Variants in SRPK2 observed in about 807,000 individuals in gnomAD.
The protein encoded by SRPK2 is SRSF protein kinase 2.
In SRPK2, 21 loss-of-function variants were observed where a neutral mutation model predicts 90.8. The ratio of observed to expected loss-of-function variants is 0.23; its 90% CI spans 0.16 to 0.33. The LOEUF is 0.33. Among genes scored for constraint, SRPK2 ranks in the 10% least tolerant of loss-of-function variants. The pLI is 1.00. For synonymous variants in SRPK2, 288 were observed against 311.1 expected (o/e 0.93, Z 0.78); for missense variants, 620 against 869.0 (o/e 0.71, Z 3.60).
chr7:105,225,958 T>C (rs917020629), intron 2 of SRPK2, among the ~76,000 whole-genome samples: 3 of 152,164 alleles, frequency 2.0e-5, no homozygotes, highest in Non-Finnish European at 4.4e-5. Flanking sequence ...CATGCGGGGG[T>C]TAGCAGACTG....
At chr7:105,150,033 C>A (rs139557806) in intron 7 of SRPK2, among the ~76,000 whole-genome samples, 1 of 151,122 alleles carries the variant, frequency 6.6e-6, no homozygotes. Context: ...ATGAGTATGA[C>A]GGGTGGGGTA....
At chr7:105,328,636 G>A (rs148192007) in intron 2 of SRPK2, among the ~76,000 whole-genome samples, 3,605 of 151,036 alleles carry the variant, frequency 0.024, 63 homozygotes, top group Non-Finnish European at 0.032. Flanking sequence ...AGGCCGAGAC[G>A]GGTGGATCAC....
chr7:105,369,826 G>C lies in SRPK2; in HGVS notation c.71+18822C>G, dbSNP rs530606746. Among the ~76,000 whole-genome samples the C allele has an allele frequency of 2.0e-5, 3 of 152,180 alleles. No homozygotes were observed. In the East Asian group the frequency reaches 5.8e-4, roughly 29 times the overall value. ...GCGGATCGCCTGAGGTCAGGAGTTCGAGACCAGCCTGACCAACACGGAGAA... is the reference window on the plus strand; with the variant it reads ...GCGGATCGCCTGAGGTCAGGAGTTCCAGACCAGCCTGACCAACACGGAGAA... On this transcript the variant is annotated intron_variant, in intron 2 of 15. Coordinates refer to ENST00000393651, the MANE Select transcript of SRPK2 (RefSeq NM_182692.3).
rs941053535 is a variant in SRPK2 at position 105,388,899 on chromosome 7, G to A, written c.-93C>T. On this transcript the variant is annotated 5_prime_UTR_variant, in exon 1 of 16. Transcript: ENST00000393651. ...GCAGCCTCCACTCGCTCCGCCGGCC[G>A]GGAGGAGACGAGAACCGCGCCTGCG... 2 of 1,235,784 alleles carry A rather than the reference G, an allele frequency of 1.6e-6. No individual in the cohort carries two copies. Among genetic ancestry groups the A allele is most frequent in the Non-Finnish European group, 2.0e-6 (2 of 992,458 alleles). The allele number at this position is 1,235,784 out of a possible 1,614,324, so 76.6% of individuals were successfully genotyped here.
intron 2 of SRPK2, among the ~76,000 whole-genome samples, chr7:105,238,324 T>C (rs886280600): frequency 6.6e-6 from 1 of 151,948 alleles, no homozygotes; most frequent in African/African-American, 2.4e-5. Flanking sequence ...TGGACAGGAG[T>C]CAGCATAAAG....
intron 2 of SRPK2, among the ~76,000 whole-genome samples, chr7:105,345,587 T>G (rs371355117): frequency 4.6e-5 from 7 of 152,340 alleles, no homozygotes; most frequent in Admixed American, 2.0e-4. Context: ...GGGAATAACA[T>G]GAAAGACAAC....
At chr7:105,166,729 A>G (rs566748912) in intron 6 of SRPK2, among the ~76,000 whole-genome samples, 1 of 152,212 alleles carries the variant, frequency 6.6e-6, no homozygotes, top group Non-Finnish European at 1.5e-5. Context: ...AAAATGCATC[A>G]TTTTACTTTT....
intron 3 of SRPK2, among the ~76,000 whole-genome samples, chr7:105,197,544 A>G (rs1795064099): frequency 6.6e-6 from 1 of 152,162 alleles, no homozygotes; most frequent in African/African-American, 2.4e-5. Flanking sequence ...CCAACACTAG[A>G]GAAAATGCCT....
rs1563024862 is a variant in SRPK2, at chr7:105,170,835, GGAAGA to G, written c.230-1575_230-1571del. 1.7e-3 allele frequency among the ~76,000 whole-genome samples: 168 copies of G among 98,942 alleles called. 14 individuals are homozygous for G. Among genetic ancestry groups the G allele is most frequent in the African/African-American group, 6.6e-3 (158 of 23,766 alleles). The allele number at this position is 98,942 out of a possible 152,430, so 64.9% of individuals were successfully genotyped here. A position where few individuals can be genotyped will look rare whatever the true frequency, so the allele number is the denominator to read the frequency against. The stretch of plus-strand genomic sequence containing the variant: ...AGAGAGGGAGAGAAAGAGAAAGAAA[GGAAGA>G]AAGAAAGAAAGAAAGAAAGAAAGAA... On this transcript the variant is annotated intron_variant, in intron 3 of 15. Coordinates refer to ENST00000393651, the MANE Select transcript of SRPK2 (RefSeq NM_182692.3).
intron 2 of SRPK2, among the ~76,000 whole-genome samples, chr7:105,293,504 C>T (rs1809356893): frequency 6.6e-6 from 1 of 151,966 alleles, no homozygotes; most frequent in Admixed American, 6.6e-5. Flanking sequence ...CACCCCCCAC[C>T]CCGCCCCGGG....
At chr7:105,182,610 C>T (rs535261439) in intron 3 of SRPK2, among the ~76,000 whole-genome samples, 3 of 152,142 alleles carry the variant, frequency 2.0e-5, no homozygotes, top group South Asian at 4.2e-4. Flanking sequence ...CACCAACATG[C>T]CCGGCTAATT....
chr7:105,280,310 G>A (rs1433846402), intron 2 of SRPK2, among the ~76,000 whole-genome samples: 1 of 151,928 alleles, frequency 6.6e-6, no homozygotes, highest in Non-Finnish European at 1.5e-5. Flanking sequence ...AGCTACTGGA[G>A]AGGCTGAGGC....
intron 2 of SRPK2, among the ~76,000 whole-genome samples, chr7:105,236,757 G>T (rs190929705): frequency 6.6e-6 from 1 of 152,112 alleles, no homozygotes; most frequent in East Asian, 1.9e-4. Flanking sequence ...CAGGAGCAAA[G>T]AGAAGAGTCC....
At chr7:105,295,340 TTATA>T (rs1192508008) in intron 2 of SRPK2, among the ~76,000 whole-genome samples, 3 of 151,764 alleles carry the variant, frequency 2.0e-5, no homozygotes, top group African/African-American at 7.3e-5. Flanking sequence ...AATTTACATA[TTATA>T]TAAATATTTT....
chr7:105,245,790 T>A (rs187095337), intron 2 of SRPK2, among the ~76,000 whole-genome samples: 1 of 152,318 alleles, frequency 6.6e-6, no homozygotes, highest in Non-Finnish European at 1.5e-5. Flanking sequence ...ACAATCTTCA[T>A]GCACTATGGC....
chr7:105,244,489 G>T (rs533002812), intron 2 of SRPK2, among the ~76,000 whole-genome samples: 1 of 152,230 alleles, frequency 6.6e-6, no homozygotes, highest in South Asian at 2.1e-4. Flanking sequence ...CGGGAGAATC[G>T]CTTGAACCCG....
Position 105,126,351 on chromosome 7 carries a change from G to A in SRPK2, c.1823-11C>T, listed in dbSNP as rs774008701. ...TGTGGGCTATGTGGTCTATGGAGGA[G>A]AGAAAAAAAGGATATGGGAATGGGA... On this transcript the variant is annotated splice_polypyrimidine_tract_variant and intron_variant, in intron 14 of 15. Coordinates refer to ENST00000393651, the MANE Select transcript of SRPK2 (RefSeq NM_182692.3). 6.2e-7 allele frequency: 1 copy of A among 1,600,028 alleles called. No homozygotes were observed. The highest frequency in any genetic ancestry group is 8.6e-7 in the Non-Finnish European group (1 of 1,169,216).
intron 2 of SRPK2, among the ~76,000 whole-genome samples, chr7:105,279,173 C>T (rs190987502): frequency 6.1e-4 from 87 of 141,492 alleles, no homozygotes; most frequent in Non-Finnish European, 2.8e-4. Flanking sequence ...ATGTTCGCTC[C>T]AAACTTTACA....
At chr7:105,228,895 AGT>A (rs1799068961) in intron 2 of SRPK2, among the ~76,000 whole-genome samples, 1 of 152,240 alleles carries the variant, frequency 6.6e-6, no homozygotes, top group East Asian at 1.9e-4. Context: ...TGGCAGGCTG[AGT>A]AAACAGGGCG....
Sources: allele counts gnomAD v4.1 joint callset (sites outside exome capture counted in the v4.1 genomes callset), GRCh38; gene constraint gnomAD v4.1.1; transcripts MANE v1.5; gene names NCBI Gene and HGNC (gene_info 2026-07-23, HGNC 2026-07-21).